The following HGD variants were observed in gnomAD, a reference collection of about 807,000 sequenced individuals.
The protein encoded by HGD is homogentisate 1,2-dioxygenase.
Under a neutral mutation model 60.8 loss-of-function variants are expected in HGD, and 61 were observed. The ratio of observed to expected loss-of-function variants is 1.00; its 90% CI spans 0.82 to 1.24. The LOEUF (loss-of-function observed/expected upper bound fraction) is 1.24. Ranked by LOEUF, HGD falls within the 50% of genes most tolerant of loss-of-function variation. HGD has a pLI of 0.00. For missense variants in HGD, 542 were observed against 547.1 expected (o/e 0.99, Z 0.09); for synonymous variants, 212 against 187.7 (o/e 1.13, Z -1.06).
Position 120,650,872 on chromosome 3 carries a change from G to A in HGD, c.343-7C>T. 6.2e-7 allele frequency: 1 copy of A among 1,607,948 alleles called. No individual in the cohort carries two copies. The highest frequency in any genetic ancestry group is 8.5e-7 in the Non-Finnish European group (1 of 1,174,344). On this transcript the variant is annotated splice_region_variant and splice_polypyrimidine_tract_variant and intron_variant, in intron 5 of 13. Transcript: ENST00000283871. ...CACACAAGGTATGCAGGCCCTGGGA[G>A]AGACCCACAGAAGAGGGAAAGGTTA...
Position 120,633,574 on chromosome 3 carries a change from C to G in HGD, c.1007-246G>C, listed in dbSNP as rs1239471586. On this transcript the variant is annotated intron_variant, in intron 12 of 13. Coordinates refer to ENST00000283871, the MANE Select transcript of HGD (RefSeq NM_000187.4). ...AGAGGTCTCGAGTTCCACTCTCTGA[C>G]AGGAATCAGGCTAGATCTAAAGAAA... The G allele has an allele frequency of 3.5e-6, 5 of 1,441,896 alleles. No homozygotes were observed. The African/African-American group carries it at 7.0e-5, about 20-fold the overall frequency. 89.3% of individuals were successfully genotyped at this position (1,441,896 alleles called of 1,614,324 possible). A position where few individuals can be genotyped will look rare whatever the true frequency, so the allele number is the denominator to read the frequency against.
chr3:120,649,685 T>C (rs1941278138), intron 6 of HGD, among the ~76,000 whole-genome samples: 1 of 152,168 alleles, frequency 6.6e-6, no homozygotes, highest in South Asian at 2.1e-4. Context: ...CCTGGGTGAC[T>C]AGGGGCTGAG....
intron 10 of HGD, among the ~76,000 whole-genome samples, chr3:120,642,699 C>T (rs407287): frequency 2.6e-5 from 4 of 152,210 alleles, no homozygotes; most frequent in African/African-American, 9.7e-5. Context: ...ACCACTAGGG[C>T]TACCCAACAG....
intron 1 of HGD, among the ~76,000 whole-genome samples, chr3:120,676,136 A>C (rs938532855): frequency 5.9e-5 from 9 of 152,172 alleles, no homozygotes; most frequent in South Asian, 2.1e-4. Flanking sequence ...TTGTGGGTCT[A>C]CACTGTAACC....
intron 12 of HGD, among the ~76,000 whole-genome samples, chr3:120,634,889 T>C (rs1403633867): frequency 6.6e-6 from 1 of 152,210 alleles, no homozygotes; most frequent in Non-Finnish European, 1.5e-5. Flanking sequence ...ACCCAGATCA[T>C]AGTTCTACTT....
chr3:120,640,209 A>C (rs910119826), intron 11 of HGD, among the ~76,000 whole-genome samples: 1 of 151,390 alleles, frequency 6.6e-6, no homozygotes, highest in African/African-American at 2.4e-5. Flanking sequence ...TAAAAAAAAA[A>C]AAAGAAAGGA....
chr3:120,647,970 C>T (rs186403683), intron 6 of HGD, 59 bp from the exon 7 acceptor site: 23 of 1,321,616 alleles, frequency 1.7e-5, no homozygotes, highest in South Asian at 2.3e-5. Flanking sequence ...AGACAAATTA[C>T]GTCATAACAC....
chr3:120,641,611 T>TTGATAACCA lies in HGD; in HGVS notation c.848_856dup (p.Met283_Ile285dup). 6.2e-7 allele frequency: 1 copy of TTGATAACCA among 1,613,558 alleles called. No homozygotes were observed. Among genetic ancestry groups the TTGATAACCA allele is most frequent in the South Asian group, 1.1e-5 (1 of 91,062 alleles). ...TACTGCATGGTCAAAGGCCACTGAGTTGATAACCATGAAATTCTTCAGGTT... is the reference window on the plus strand; with the variant it reads ...TACTGCATGGTCAAAGGCCACTGAGTTGATAACCATGATAACCATGAAATTCTTCAGGTT... On this transcript the variant is annotated inframe_insertion, in exon 11 of 14. Transcript: ENST00000283871.
chr3:120,642,196 G>A lies in HGD; in HGVS notation c.775-503C>T, dbSNP rs534232418. ...AACTCCAAGGACTTGAGATTTCAGA[G>A]CAATCCTAACATAATACTTCCTGGT... On this transcript the variant is annotated intron_variant, in intron 10 of 13. Coordinates refer to ENST00000283871, the MANE Select transcript of HGD (RefSeq NM_000187.4). Among the ~76,000 whole-genome samples, 5 of 152,314 alleles carry A rather than the reference G, an allele frequency of 3.3e-5. No homozygotes were observed. In the South Asian group the frequency reaches 1.0e-3, roughly 32 times the overall value.
chr3:120,634,321 A>G (rs1940689822), intron 12 of HGD, among the ~76,000 whole-genome samples: 1 of 152,206 alleles, frequency 6.6e-6, no homozygotes, highest in African/African-American at 2.4e-5. Context: ...CACTCTTCCA[A>G]TCTTATGCTT....
At chr3:120,669,515 G>C (rs866567506) in intron 4 of HGD, among the ~76,000 whole-genome samples, 38 of 150,908 alleles carry the variant, frequency 2.5e-4, no homozygotes, top group Admixed American at 1.2e-3. Flanking sequence ...TTGTCCTAAA[G>C]TTGCCTCCTT....
chr3:120,676,491 C>A (rs1708133724), intron 1 of HGD, among the ~76,000 whole-genome samples: 1 of 152,132 alleles, frequency 6.6e-6, no homozygotes, highest in Non-Finnish European at 1.5e-5. Flanking sequence ...ATGGAGAGCC[C>A]CTGAAACTTA....
At chr3:120,636,857 G>C (rs539803471) in intron 12 of HGD, among the ~76,000 whole-genome samples, 6 of 152,264 alleles carry the variant, frequency 3.9e-5, no homozygotes, top group African/African-American at 1.4e-4. Flanking sequence ...TGACACCTGG[G>C]AACTGGTATA....
At chr3:120,675,016 A>G (rs762031679) in intron 2 of HGD, 27 bp from the exon 3 acceptor site, 1 of 1,495,782 alleles carries the variant, frequency 6.7e-7, no homozygotes, top group South Asian at 1.1e-5. Flanking sequence ...AATAAACAAT[A>G]TTACTCCCAT....
intron 6 of HGD, among the ~76,000 whole-genome samples, chr3:120,648,798 T>C (rs1941242843): frequency 6.6e-6 from 1 of 152,180 alleles, no homozygotes. Flanking sequence ...GGGTCACTGG[T>C]CACTCATATT....
intron 12 of HGD, among the ~76,000 whole-genome samples, chr3:120,634,162 C>A (rs1454244916): frequency 6.6e-6 from 1 of 152,170 alleles, no homozygotes; most frequent in African/African-American, 2.4e-5. Context: ...AAGCTCTCCA[C>A]TCTACAAAGC....
chr3:120,662,408 G>T (rs1043253189), intron 4 of HGD, among the ~76,000 whole-genome samples: 3 of 152,114 alleles, frequency 2.0e-5, no homozygotes, highest in Non-Finnish European at 4.4e-5. Flanking sequence ...GATCCTGAAA[G>T]CACACTCTAC....
intron 5 of HGD, among the ~76,000 whole-genome samples, chr3:120,651,950 A>G (rs1423385382): frequency 6.6e-6 from 1 of 152,208 alleles, no homozygotes; most frequent in Non-Finnish European, 1.5e-5. Flanking sequence ...AGTGAAATTT[A>G]TCATTTCTTT....
At position 120,651,858 on chromosome 3, in the gene HGD, C is replaced by T. The variant is rs1199346062; in HGVS notation, c.342+734G>A. On this transcript the variant is annotated intron_variant, in intron 5 of 13. Transcript: ENST00000283871. Reference sequence around the variant, plus strand: ...CTAGAGTTGCCATGTTGAATTGACGCCATTCTAGCCCAAGCATCTACTTCA... The same window carrying T: ...CTAGAGTTGCCATGTTGAATTGACGTCATTCTAGCCCAAGCATCTACTTCA... Among the ~76,000 whole-genome samples, 11 of 152,304 alleles carry T rather than the reference C, an allele frequency of 7.2e-5. No homozygotes were observed. In the East Asian group the frequency reaches 1.5e-3, roughly 21 times the overall value.
Sources: allele counts gnomAD v4.1 joint callset (sites outside exome capture counted in the v4.1 genomes callset), GRCh38; gene constraint gnomAD v4.1.1; transcripts MANE v1.5; gene names NCBI Gene and HGNC (gene_info 2026-07-23, HGNC 2026-07-21).